XKR9: variants seen among roughly 807,000 people sequenced by gnomAD.
The protein encoded by XKR9 is XK-related protein 9.
XKR9 carries 32 observed loss-of-function variants against 32.0 expected under a neutral mutation model. The ratio of observed to expected loss-of-function variants is 1.00; its 90% CI spans 0.76 to 1.34. XKR9 has a LOEUF of 1.34. Ranked by LOEUF, XKR9 falls within the 40% of genes most tolerant of loss-of-function variation. The pLI is 0.00. For missense variants in XKR9, 546 were observed against 429.7 expected (o/e 1.27, Z -2.39); for synonymous variants, 168 against 143.4 (o/e 1.17, Z -1.22).
the XKR9 span, among the ~76,000 whole-genome samples, chr8:70,968,550 A>AT: frequency 1.5e-5 from 2 of 133,466 alleles, no homozygotes; most frequent in Admixed American, 7.4e-5. Flanking sequence ...TTTTGCATTG[A>AT]TTTTTTTCTC....
At chr8:70,794,961 ATTC>A (rs1159256225), downstream of XKR9, among the ~76,000 whole-genome samples, 1 of 151,918 alleles carries the variant, frequency 6.6e-6, no homozygotes, top group Non-Finnish European at 1.5e-5. Context: ...AACGTTAATT[ATTC>A]TTTTTGTTGT....
At chr8:71,052,177 G>T in the XKR9 span, among the ~76,000 whole-genome samples, 1 of 152,200 alleles carries the variant, frequency 6.6e-6, no homozygotes, top group Non-Finnish European at 1.5e-5. Context: ...AACAGAGATT[G>T]CCCAATGAAT....
the XKR9 span, among the ~76,000 whole-genome samples, chr8:71,028,966 A>G: frequency 6.6e-6 from 1 of 152,054 alleles, no homozygotes; most frequent in East Asian, 1.9e-4. Context: ...TAAAGAGTCA[A>G]ACTTATTTCT....
chr8:70,960,719 A>C, the XKR9 span, among the ~76,000 whole-genome samples: 1 of 151,636 alleles, frequency 6.6e-6, no homozygotes, highest in Non-Finnish European at 1.5e-5. Context: ...AATAGAAAAA[A>C]AAAATAGCTG....
At chr8:70,831,505 C>T in the XKR9 span, among the ~76,000 whole-genome samples, 2 of 152,112 alleles carry the variant, frequency 1.3e-5, no homozygotes, top group African/African-American at 2.4e-5. Context: ...TGTATCATGT[C>T]CTATTAAAGA....
intron 4 of XKR9, among the ~76,000 whole-genome samples, chr8:70,729,705 T>C (rs1806598184): frequency 6.6e-6 from 1 of 152,124 alleles, no homozygotes; most frequent in South Asian, 2.1e-4. Flanking sequence ...TAATTTAACA[T>C]AATTATAATT....
the XKR9 span, among the ~76,000 whole-genome samples, chr8:70,905,635 G>A: frequency 6.6e-6 from 1 of 152,136 alleles, no homozygotes; most frequent in Non-Finnish European, 1.5e-5. Flanking sequence ...ACTCGTCAAA[G>A]TCATTCTCCC....
the XKR9 span, among the ~76,000 whole-genome samples, chr8:70,966,655 T>G: frequency 6.6e-6 from 1 of 152,074 alleles, no homozygotes; most frequent in Non-Finnish European, 1.5e-5. Flanking sequence ...CAGAGCAGAG[T>G]TCAGGTCCTG....
chr8:70,960,643 T>A, the XKR9 span, among the ~76,000 whole-genome samples: 2 of 152,042 alleles, frequency 1.3e-5, no homozygotes, highest in South Asian at 4.1e-4. Context: ...CTTCGGAGAC[T>A]GAGGCGGGAG....
the XKR9 span, among the ~76,000 whole-genome samples, chr8:71,032,292 A>AC: frequency 6.6e-6 from 1 of 150,548 alleles, no homozygotes; most frequent in African/African-American, 2.5e-5. Context: ...AAAAAAAAAA[A>AC]AAAAAAAAAA....
At chr8:70,882,380 T>A in the XKR9 span, among the ~76,000 whole-genome samples, 1 of 127,570 alleles carries the variant, frequency 7.8e-6, no homozygotes, top group African/African-American at 3.0e-5. Flanking sequence ...AAATTTCCTC[T>A]TTTCCCCTCT....
intron 4 of XKR9, among the ~76,000 whole-genome samples, chr8:70,731,493 A>G (rs973862923): frequency 1.3e-5 from 2 of 152,098 alleles, no homozygotes; most frequent in Non-Finnish European, 2.9e-5. Context: ...AAGATTCTCA[A>G]TTTTTCAAGA....
At chr8:70,922,936 G>A in the XKR9 span, among the ~76,000 whole-genome samples, 1 of 152,274 alleles carries the variant, frequency 6.6e-6, no homozygotes, top group South Asian at 2.1e-4. Context: ...CTGCCGACGG[G>A]GCTCATGGAT....
chr8:70,796,519 C>G, the XKR9 span, among the ~76,000 whole-genome samples: 1 of 151,984 alleles, frequency 6.6e-6, no homozygotes, highest in African/African-American at 2.4e-5. Flanking sequence ...TTTCACAGTA[C>G]AAACTTTTGG....
chr8:70,890,337 ATAC>A, the XKR9 span, among the ~76,000 whole-genome samples: 19 of 152,090 alleles, frequency 1.2e-4, 1 homozygote, highest in Admixed American at 2.6e-4. Context: ...AGCATATCCA[ATAC>A]TATATTGAAT....
chr8:70,871,705 C>A, the XKR9 span, among the ~76,000 whole-genome samples: 1 of 151,982 alleles, frequency 6.6e-6, no homozygotes. Context: ...GAAATTAGGC[C>A]ACTTAATAAC....
the XKR9 span, among the ~76,000 whole-genome samples, chr8:70,945,330 A>G: frequency 6.6e-6 from 1 of 152,186 alleles, no homozygotes; most frequent in East Asian, 1.9e-4. Flanking sequence ...AAAACAGATG[A>G]TGATCAGTGG....
At chr8:71,012,815 G>A in the XKR9 span, among the ~76,000 whole-genome samples, 1 of 152,140 alleles carries the variant, frequency 6.6e-6, no homozygotes, top group Non-Finnish European at 1.5e-5. Context: ...CAGAACCTGG[G>A]TGTTTAACTA....
chr8:70,696,053 T>G (rs1805263140), intron 3 of XKR9, among the ~76,000 whole-genome samples: 1 of 151,566 alleles, frequency 6.6e-6, no homozygotes, highest in African/African-American at 2.4e-5. Context: ...TGTAAATTTG[T>G]TTGAGTTCAT....
Sources: gnomAD v4.1 joint callset for allele counts (sites outside exome capture counted in the v4.1 genomes callset) on GRCh38, gnomAD v4.1.1 for gene constraint, MANE v1.5 for transcripts, NCBI Gene and HGNC (gene_info 2026-07-23, HGNC 2026-07-21) for gene names.